The following GCA variants were observed in gnomAD, a reference collection of about 807,000 sequenced individuals.
GCA encodes grancalcin.
A neutral mutation model predicts 32.6 loss-of-function variants in GCA; 30 were observed. That is an observed-to-expected ratio of 0.92 (90% confidence interval 0.69 to 1.25). GCA has a LOEUF of 1.25. GCA is among the 50% of genes most tolerant of loss of function. The pLI, the probability that GCA is intolerant of heterozygous loss-of-function variation, is 0.00. For missense variants in GCA, 291 were observed against 266.8 expected (o/e 1.09, Z -0.63); for synonymous variants, 102 against 84.6 (o/e 1.21, Z -1.13).
intron 5 of GCA, 189 bp downstream of exon 5, chr2:162,357,094 T>G: frequency 4.4e-6 from 2 of 457,894 alleles, no homozygotes; most frequent in Non-Finnish European, 7.8e-6. Context: ...AATTATGATT[T>G]TTTTCAAAAG....
chr2:162,353,265 C>G (rs1171538058), intron 3 of GCA, among the ~76,000 whole-genome samples: 1 of 152,010 alleles, frequency 6.6e-6, no homozygotes, highest in African/African-American at 2.4e-5. Flanking sequence ...GTTAAGAGAT[C>G]GAGAGCACCC....
In GCA at chr2:162,361,454, G is replaced by T. The variant is rs190672250; in HGVS notation, c.*1211G>T. ...TGTGTATTTTCTAACCTAACAGTGA[G>T]TGACATAATTTTATGACTGCTGACC... On this transcript the variant is annotated 3_prime_UTR_variant, in exon 8 of 8. Transcript: ENST00000437150. The T allele has an allele frequency of 2.8e-4, 276 of 977,540 alleles. 1 individual carries two copies. In the African/African-American group the frequency reaches 4.4e-3, roughly 16 times the overall value. 60.6% of individuals were successfully genotyped at this position (977,540 alleles called of 1,614,324 possible).
In GCA at chr2:162,360,720, A is replaced by C. The variant is rs1405493156; in HGVS notation, c.*477A>C. On this transcript the variant is annotated 3_prime_UTR_variant, in exon 8 of 8. Transcript: ENST00000437150. Reference sequence around the variant, plus strand: ...GGATTTTGTGCCATGTTTGTAATATAGTTTGTTCCTTGATCAAATAATCAG... The same window carrying C: ...GGATTTTGTGCCATGTTTGTAATATCGTTTGTTCCTTGATCAAATAATCAG... 2 of 1,389,004 alleles carry C rather than the reference A, an allele frequency of 1.4e-6. No individual in the cohort carries two copies. Among genetic ancestry groups the C allele is most frequent in the African/African-American group, 1.5e-5 (1 of 67,044 alleles). The allele number at this position is 1,389,004 out of a possible 1,614,324, so 86.0% of individuals were successfully genotyped here.
chr2:162,357,825 T>C (rs1685361492), intron 5 of GCA, among the ~76,000 whole-genome samples: 1 of 151,606 alleles, frequency 6.6e-6, no homozygotes, highest in Admixed American at 6.6e-5. Context: ...GAGTTCCCGT[T>C]AGGCAGTGGA....
intron 2 of GCA, among the ~76,000 whole-genome samples, chr2:162,349,281 T>C (rs939763557): frequency 7.2e-5 from 11 of 152,074 alleles, no homozygotes; most frequent in African/African-American, 2.7e-4. Context: ...CTTCAGCCTG[T>C]ACCATATAGT....
chr2:162,360,193 A>G (rs763241952), intron 7 of GCA, 24 bp from the exon 8 acceptor site: 5 of 1,353,254 alleles, frequency 3.7e-6, no homozygotes, highest in East Asian at 4.7e-5. Flanking sequence ...TTCTTAATAG[A>G]TAATAATTTC....
intron 3 of GCA, among the ~76,000 whole-genome samples, chr2:162,353,236 G>C (rs1685090789): frequency 6.6e-6 from 1 of 152,178 alleles, no homozygotes; most frequent in Non-Finnish European, 1.5e-5. Context: ...TTGGGAGGCT[G>C]AGGTGGGCGA....
chr2:162,336,425 CTTCTT>C (rs1244426594), intron 1 of GCA, among the ~76,000 whole-genome samples: 2 of 152,016 alleles, frequency 1.3e-5, no homozygotes, highest in African/African-American at 2.4e-5. Flanking sequence ...TTTTTTGTAT[CTTCTT>C]TTCATTTTAT....
Position 162,359,554 on chromosome 2 carries a change from T to C in GCA, c.627+2T>C, listed in dbSNP as rs751997369. On this transcript the variant is annotated splice_donor_variant, in intron 7 of 7. Coordinates refer to ENST00000437150, the MANE Select transcript of GCA (RefSeq NM_012198.5). LOFTEE classifies it high-confidence loss of function. ...TCTGCGAATTTCATATATGACGATG[T>C]GAGTATCCTGCTTTTGATATTTATA... 1 of 1,490,816 alleles carries C rather than the reference T, an allele frequency of 6.7e-7. No homozygotes were observed. The highest frequency in any genetic ancestry group is 9.3e-7 in the Non-Finnish European group (1 of 1,077,820). 92.3% of individuals were successfully genotyped at this position (1,490,816 alleles called of 1,614,324 possible).
intron 2 of GCA, among the ~76,000 whole-genome samples, chr2:162,349,381 T>G (rs1327708723): frequency 6.6e-6 from 1 of 152,176 alleles, no homozygotes; most frequent in East Asian, 1.9e-4. Flanking sequence ...TGTCTTTTTT[T>G]TTTTGCTGCT....
chr2:162,345,256 C>T (rs898255784), intron 1 of GCA, among the ~76,000 whole-genome samples: 2 of 152,126 alleles, frequency 1.3e-5, no homozygotes, highest in Non-Finnish European at 2.9e-5. Context: ...CCCTCTGGCA[C>T]CGTCCACTTT....
intron 2 of GCA, among the ~76,000 whole-genome samples, chr2:162,350,459 A>G (rs1684935828): frequency 6.6e-6 from 1 of 152,048 alleles, no homozygotes; most frequent in African/African-American, 2.4e-5. Context: ...CTTCAATAAT[A>G]TTTTCTCCTG....
At chr2:162,368,296 TAAA>T (rs1319739261) in intron 4 of GCA, among the ~76,000 whole-genome samples, 2 of 152,010 alleles carry the variant, frequency 1.3e-5, no homozygotes, top group African/African-American at 2.4e-5. Flanking sequence ...TTTGATAACA[TAAA>T]AATTTTGATT....
intron 1 of GCA, among the ~76,000 whole-genome samples, chr2:162,335,922 T>TA (rs1684256652): frequency 6.6e-6 from 1 of 152,186 alleles, no homozygotes. Context: ...TGTGTGTGAA[T>TA]TAATGAAATC....
At chr2:162,364,152 A>T (rs1264279942), downstream of GCA, among the ~76,000 whole-genome samples, 1 of 151,454 alleles carries the variant, frequency 6.6e-6, no homozygotes, top group Non-Finnish European at 1.5e-5. Context: ...CCTTAACCAT[A>T]AAAATGTAAG....
rs1685593280 is a variant in GCA at position 162,362,004 on chromosome 2, T to C, written c.*1761T>C. On this transcript the variant is annotated 3_prime_UTR_variant, in exon 8 of 8. Transcript: ENST00000437150. ...AAAACTTTTAAAATGACAAATGGTATTATTCATGTAAGCTTCTGCCAGGTG... is the reference window on the plus strand; with the variant it reads ...AAAACTTTTAAAATGACAAATGGTACTATTCATGTAAGCTTCTGCCAGGTG... The C allele has an allele frequency of 1.0e-6, 1 of 982,932 alleles. No individual in the cohort carries two copies. The highest frequency in any genetic ancestry group is 1.2e-6 in the Non-Finnish European group (1 of 827,980). The allele number at this position is 982,932 out of a possible 1,614,324, so 60.9% of individuals were successfully genotyped here.
intron 1 of GCA, among the ~76,000 whole-genome samples, chr2:162,334,076 C>T (rs1684182271): frequency 6.6e-6 from 1 of 152,164 alleles, no homozygotes; most frequent in African/African-American, 2.4e-5. Flanking sequence ...CTTATCCATG[C>T]CTTTCTCAGA....
intron 1 of GCA, among the ~76,000 whole-genome samples, chr2:162,321,409 T>G (rs1475067528): frequency 6.6e-6 from 1 of 152,202 alleles, no homozygotes; most frequent in African/African-American, 2.4e-5. Context: ...GCCACTACAA[T>G]TTAACGACCA....
chr2:162,321,494 C>T (rs2105247413), intron 1 of GCA, among the ~76,000 whole-genome samples: 1 of 152,164 alleles, frequency 6.6e-6, no homozygotes, highest in East Asian at 1.9e-4. Context: ...AATTGTTGTT[C>T]TGTTCCTTTA....
Sources: gnomAD v4.1 joint callset for allele counts (sites outside exome capture counted in the v4.1 genomes callset) on GRCh38, gnomAD v4.1.1 for gene constraint, MANE v1.5 for transcripts, NCBI Gene and HGNC (gene_info 2026-07-23, HGNC 2026-07-21) for gene names.